The following JARID2 variants were observed in gnomAD, a reference collection of about 807,000 sequenced individuals.
The protein encoded by JARID2 is jumonji and AT-rich interaction domain containing 2, also known as protein Jumonji.
JARID2 carries 21 observed loss-of-function variants against 125.6 expected under a neutral mutation model. The ratio of observed to expected loss-of-function variants is 0.17; its 90% confidence interval spans 0.12 to 0.24. The LOEUF (loss-of-function observed/expected upper bound fraction) is 0.24, where lower values mean the gene tolerates loss of function less well. JARID2 is among the 10% of genes least tolerant of loss of function. The pLI is 1.00. For synonymous variants in JARID2, 736 were observed against 661.6 expected (o/e 1.11, Z -1.73); for missense variants, 1,303 against 1,639.6 (o/e 0.79, Z 3.55).
intron 4 of JARID2, among the ~76,000 whole-genome samples, chr6:15,460,100 G>T (rs763191709): frequency 4.6e-5 from 7 of 152,236 alleles, no homozygotes; most frequent in Non-Finnish European, 7.4e-5. Flanking sequence ...TTAACGTTCT[G>T]CATATGCTTG....
chr6:15,300,737 G>GAGAT (rs1761591710), intron 1 of JARID2, among the ~76,000 whole-genome samples: 1 of 150,402 alleles, frequency 6.6e-6, no homozygotes, highest in Admixed American at 6.6e-5. Flanking sequence ...GAGAGAGAGA[G>GAGAT]AGAGAGAGAG....
At chr6:15,337,676 A>C (rs1762924026) in intron 1 of JARID2, among the ~76,000 whole-genome samples, 1 of 147,922 alleles carries the variant, frequency 6.8e-6, no homozygotes, top group Non-Finnish European at 1.5e-5. Context: ...CACCCCCCTG[A>C]ATTTTCCCCT....
chr6:15,412,499 G>C (rs963570545), intron 3 of JARID2, among the ~76,000 whole-genome samples: 4 of 152,076 alleles, frequency 2.6e-5, no homozygotes, highest in Non-Finnish European at 5.9e-5. Context: ...AGTAGAGATG[G>C]GGTTTTGCCA....
intron 14 of JARID2, 48 bp from the exon 15 acceptor site, chr6:15,512,867 T>G: frequency 6.3e-7 from 1 of 1,582,170 alleles, no homozygotes; most frequent in Non-Finnish European, 8.6e-7. Flanking sequence ...CCTTGACAGC[T>G]GCCTAGTAAT....
At chr6:15,407,042 C>T (rs151304389) in intron 2 of JARID2, among the ~76,000 whole-genome samples, 245 of 152,026 alleles carry the variant, frequency 1.6e-3, no homozygotes, top group African/African-American at 5.6e-3. Context: ...GCGAGGATTA[C>T]TTGAACCCAG....
rs34405141 is a variant in JARID2, at chr6:15,521,071, T to TAAAAAAAAAA, written c.*831_*840dup. On this transcript the variant is annotated 3_prime_UTR_variant, in exon 18 of 18. Coordinates refer to ENST00000341776, the MANE Select transcript of JARID2 (RefSeq NM_004973.4). ...ACCCTTCAATAGCATCCTTAAGATTTAAAAAAAAAAAAAAAAAAAAGGAAA... is the reference window on the plus strand; with the variant it reads ...ACCCTTCAATAGCATCCTTAAGATTTAAAAAAAAAAAAAAAAAAAAAAAAAAAAAAGGAAA... 1 of 115,932 alleles carries TAAAAAAAAAA rather than the reference T, an allele frequency of 8.6e-6. No individual in the cohort carries two copies. Among genetic ancestry groups the TAAAAAAAAAA allele is most frequent in the African/African-American group, 3.4e-5 (1 of 29,612 alleles). The allele number at this position is 115,932 out of a possible 1,614,324, so 7.2% of individuals were successfully genotyped here.
intron 1 of JARID2, among the ~76,000 whole-genome samples, chr6:15,345,113 T>G (rs896575698): frequency 6.6e-6 from 1 of 152,230 alleles, no homozygotes; most frequent in African/African-American, 2.4e-5. Context: ...GTGATGTTTG[T>G]TAGAAGCTTC....
chr6:15,308,505 A>G (rs1228832999), intron 1 of JARID2, among the ~76,000 whole-genome samples: 1 of 152,224 alleles, frequency 6.6e-6, no homozygotes, highest in Non-Finnish European at 1.5e-5. Context: ...AATCTTGCAT[A>G]TAAACATTGA....
At chr6:15,447,701 G>T (rs1006248837) in intron 3 of JARID2, among the ~76,000 whole-genome samples, 11 of 152,202 alleles carry the variant, frequency 7.2e-5, no homozygotes, top group Non-Finnish European at 1.3e-4. Context: ...TCAGCTGATG[G>T]CAGGGAGTGA....
intron 4 of JARID2, 97 bp downstream of exon 4, chr6:15,452,272 C>A: frequency 6.7e-7 from 1 of 1,488,514 alleles, no homozygotes. Flanking sequence ...CTGCCATGTT[C>A]ATTTTTCTGT....
intron 3 of JARID2, among the ~76,000 whole-genome samples, chr6:15,434,150 T>A (rs557015681): frequency 2.6e-4 from 39 of 148,562 alleles, no homozygotes; most frequent in Middle Eastern, 3.4e-3. Flanking sequence ...TTTTTTTTTT[T>A]ATTTTTATTT....
chr6:15,489,845 C>T (rs1322253388), intron 6 of JARID2, among the ~76,000 whole-genome samples: 1 of 152,218 alleles, frequency 6.6e-6, no homozygotes, highest in African/African-American at 2.4e-5. Flanking sequence ...CGGGGATCCT[C>T]TCCTGTCACC....
intron 7 of JARID2, among the ~76,000 whole-genome samples, chr6:15,499,885 C>A (rs945892379): frequency 1.3e-5 from 2 of 152,104 alleles, no homozygotes; most frequent in African/African-American, 4.8e-5. Context: ...CTGTGTCTGC[C>A]GAGGTGGTTC....
In JARID2 at chr6:15,501,134, A is replaced by T; in HGVS notation, c.2173A>T (p.Met725Leu). 6.2e-7 allele frequency: 1 copy of T among 1,614,100 alleles called. No individual in the cohort carries two copies. Among genetic ancestry groups the T allele is most frequent in the African/African-American group, 1.3e-5 (1 of 75,034 alleles). Residue 725 changes from methionine (M) to leucine (L), a missense_variant, in exon 8 of 18, where the codon ATG (methionine) becomes TTG (leucine). This residue lies in a region of JARID2 where 124 missense variants were observed against 131.0 expected (regional missense o/e 0.95). Coordinates refer to ENST00000341776, the MANE Select transcript of JARID2 (RefSeq NM_004973.4). ...EHRRLEKEVL[M>L]EKEILEKRKG... is the part of the protein sequence containing the mutation. ...CCGGCGGCTGGAGAAGGAGGTGCTG[A>T]TGGAGAAGGAGATCCTGGAGAAGCG...
intron 1 of JARID2, among the ~76,000 whole-genome samples, chr6:15,360,525 C>G (rs185961591): frequency 6.6e-6 from 1 of 152,108 alleles, no homozygotes; most frequent in Non-Finnish European, 1.5e-5. Flanking sequence ...CTCAGTTGCC[C>G]AAACTGGAGT....
chr6:15,479,809 C>T (rs530355954), intron 5 of JARID2, among the ~76,000 whole-genome samples: 18 of 152,304 alleles, frequency 1.2e-4, no homozygotes, highest in African/African-American at 4.3e-4. Context: ...TGCAGCTTTC[C>T]CTAGTTTTAC....
At chr6:15,377,820 C>G (rs1215978715) in intron 2 of JARID2, among the ~76,000 whole-genome samples, 2 of 136,202 alleles carry the variant, frequency 1.5e-5, no homozygotes, top group Non-Finnish European at 3.2e-5. Flanking sequence ...GTGTGAGCCA[C>G]CTGTCCCGAG....
chr6:15,428,943 A>ACC (rs1484801194), intron 3 of JARID2, among the ~76,000 whole-genome samples: 1,970 of 127,092 alleles, frequency 0.016, 31 homozygotes, highest in Middle Eastern at 0.057. Flanking sequence ...CCCCCCCCAA[A>ACC]AAAAAAAAAA....
At chr6:15,513,484 T>C in intron 16 of JARID2, 62 bp downstream of exon 16, 2 of 1,486,476 alleles carry the variant, frequency 1.3e-6, no homozygotes, top group Non-Finnish European at 1.8e-6. Flanking sequence ...AGCTCCGGGG[T>C]TGCCCCCAGA....
Sources: gnomAD v4.1 joint callset for allele counts (sites outside exome capture counted in the v4.1 genomes callset) on GRCh38, gnomAD v4.1.1 for gene constraint, gnomAD v4.1.1 regional missense constraint, MANE v1.5 for transcripts, NCBI Gene and HGNC (gene_info 2026-07-23, HGNC 2026-07-21) for gene names.